The following SGCZ variants were observed in gnomAD, a reference collection of about 807,000 sequenced individuals.
SGCZ encodes sarcoglycan zeta, also known as zeta-sarcoglycan.
In SGCZ, 40 loss-of-function variants were observed where a neutral mutation model predicts 41.3. That is an observed-to-expected ratio of 0.97 (90% confidence interval 0.75 to 1.26). The LOEUF is 1.26. Ranked by LOEUF, SGCZ falls within the 50% of genes most tolerant of loss-of-function variation. The probability of loss-of-function intolerance (pLI) is 0.00; values close to 1 mark genes in which losing one functional copy is unlikely to be tolerated. For missense variants in SGCZ, 552 were observed against 369.8 expected (o/e 1.49, Z -4.04); for synonymous variants, 206 against 137.5 (o/e 1.50, Z -3.49).
At chr8:14,615,670 G>T (rs905653551) in intron 1 of SGCZ, among the ~76,000 whole-genome samples, 1 of 152,164 alleles carries the variant, frequency 6.6e-6, no homozygotes, top group African/African-American at 2.4e-5. Context: ...AGACAAAATT[G>T]TAAGTATTAA....
rs78934030 is a variant in SGCZ at position 14,726,755 on chromosome 8, T to C, written c.40-171829A>G. ...ACAAACCTGCAACAATATGATGTTT[T>C]GCATAAGGTAAGTTAATTCAGATAT... On this transcript the variant is annotated intron_variant, in intron 1 of 7. Transcript: ENST00000382080. 4.7e-3 allele frequency among the ~76,000 whole-genome samples: 711 copies of C among 152,246 alleles called. 16 individuals carry two copies. The East Asian group carries it at 0.072, about 15-fold the overall frequency.
chr8:14,636,072 T>A (rs1806818646), intron 1 of SGCZ, among the ~76,000 whole-genome samples: 1 of 149,536 alleles, frequency 6.7e-6, no homozygotes, highest in African/African-American at 2.5e-5. Flanking sequence ...AAAGGGGCAA[T>A]TGAAATGGCA....
chr8:14,147,030 T>A (rs919733823), intron 5 of SGCZ, among the ~76,000 whole-genome samples: 17 of 151,592 alleles, frequency 1.1e-4, no homozygotes, highest in African/African-American at 3.4e-4. Context: ...TTCGTATCAG[T>A]GTTAAGTTCT....
intron 3 of SGCZ, among the ~76,000 whole-genome samples, chr8:14,260,769 A>G (rs1470189487): frequency 2.0e-5 from 3 of 152,210 alleles, no homozygotes; most frequent in East Asian, 1.9e-4. Flanking sequence ...ATGCAGTCAT[A>G]AACAATGATG....
intron 1 of SGCZ, among the ~76,000 whole-genome samples, chr8:15,156,506 C>T (rs1486405510): frequency 6.6e-6 from 1 of 152,170 alleles, no homozygotes; most frequent in Non-Finnish European, 1.5e-5. Context: ...GAGTTCTTGA[C>T]TGTCATGATT....
At chr8:14,903,496 A>G (rs1799033333) in intron 1 of SGCZ, among the ~76,000 whole-genome samples, 1 of 152,132 alleles carries the variant, frequency 6.6e-6, no homozygotes, top group African/African-American at 2.4e-5. Context: ...TTACTGTTAA[A>G]GTGTTCTCTA....
At position 15,080,068 on chromosome 8, in the gene SGCZ, T is replaced by G. The variant is rs896195909; in HGVS notation, c.39+157517A>C. On this transcript the variant is annotated intron_variant, in intron 1 of 7. Coordinates refer to ENST00000382080, the MANE Select transcript of SGCZ (RefSeq NM_139167.4). The stretch of plus-strand genomic sequence containing the variant: ...TTTTTTATCTTCTGTTTTTCTTGTT[T>G]GTATTTTCTTTCAGCATCTCTGTAA... 2.5e-4 allele frequency among the ~76,000 whole-genome samples: 38 copies of G among 152,188 alleles called. 1 individual carries two copies. The highest frequency in any genetic ancestry group is 8.4e-4 in the African/African-American group (35 of 41,450).
intron 5 of SGCZ, among the ~76,000 whole-genome samples, chr8:14,153,902 GTCTCTC>G (rs140286697): frequency 0.016 from 2,365 of 146,740 alleles, 20 homozygotes; most frequent in Non-Finnish European, 0.023. Flanking sequence ...CAGTCTGTCT[GTCTCTC>G]TCTCTCTCTC....
chr8:14,568,092 G>A (rs1028367213), intron 1 of SGCZ, among the ~76,000 whole-genome samples: 1 of 152,126 alleles, frequency 6.6e-6, no homozygotes, highest in African/African-American at 2.4e-5. Context: ...CAGGCACATG[G>A]ATGAAGCTGG....
At chr8:14,300,403 T>A (rs1262623994) in intron 3 of SGCZ, among the ~76,000 whole-genome samples, 1 of 150,916 alleles carries the variant, frequency 6.6e-6, no homozygotes, top group Non-Finnish European at 1.5e-5. Context: ...AGGGAAGAAT[T>A]TAGGTAGGTA....
At chr8:14,635,314 A>G (rs1806792965) in intron 1 of SGCZ, among the ~76,000 whole-genome samples, 1 of 152,092 alleles carries the variant, frequency 6.6e-6, no homozygotes, top group South Asian at 2.1e-4. Context: ...GCCATGAGAA[A>G]TATATCCAAC....
chr8:14,832,181 T>C (rs1802556171), intron 1 of SGCZ, among the ~76,000 whole-genome samples: 1 of 152,176 alleles, frequency 6.6e-6, no homozygotes, highest in Non-Finnish European at 1.5e-5. Context: ...TGACATTAAT[T>C]CTTTTATTTA....
chr8:14,875,378 C>T (rs1804313708), intron 1 of SGCZ, among the ~76,000 whole-genome samples: 1 of 152,130 alleles, frequency 6.6e-6, no homozygotes, highest in Non-Finnish European at 1.5e-5. Context: ...GTATTAAGGA[C>T]TAGGTCTCAA....
chr8:14,142,143 AACATCAC>A, intron 5 of SGCZ, among the ~76,000 whole-genome samples: 1 of 152,122 alleles, frequency 6.6e-6, no homozygotes, highest in East Asian at 1.9e-4. Flanking sequence ...CAGGGTGGGG[AACATCAC>A]ACACCAGGGC....
chr8:15,164,096 A>G (rs1486313103), intron 1 of SGCZ, among the ~76,000 whole-genome samples: 1 of 152,178 alleles, frequency 6.6e-6, no homozygotes, highest in Non-Finnish European at 1.5e-5. Context: ...ATAAAACCCT[A>G]TCTCACTCAC....
chr8:15,199,240 T>C (rs1309221059), intron 1 of SGCZ, among the ~76,000 whole-genome samples: 2 of 152,226 alleles, frequency 1.3e-5, no homozygotes, highest in African/African-American at 2.4e-5. Flanking sequence ...ATGACTGCCA[T>C]GTGTAACTGC....
intron 5 of SGCZ, among the ~76,000 whole-genome samples, chr8:14,114,783 T>C (rs113747414): frequency 2.6e-5 from 4 of 152,148 alleles, no homozygotes; most frequent in African/African-American, 9.6e-5. Flanking sequence ...GACTTCCATA[T>C]GGCTCTCATT....
chr8:15,127,572 AAAC>A (rs1204896943), intron 1 of SGCZ, among the ~76,000 whole-genome samples: 1 of 152,178 alleles, frequency 6.6e-6, no homozygotes, highest in African/African-American at 2.4e-5. Context: ...TGAATTAACA[AAAC>A]AAAACAAGAT....
At chr8:14,858,027 G>C (rs1050342875) in intron 1 of SGCZ, among the ~76,000 whole-genome samples, 2 of 152,006 alleles carry the variant, frequency 1.3e-5, no homozygotes, top group African/African-American at 4.8e-5. Flanking sequence ...GAACATTATG[G>C]TCTGTAATGT....
Sources: allele counts gnomAD v4.1 joint callset (sites outside exome capture counted in the v4.1 genomes callset), GRCh38; gene constraint gnomAD v4.1.1; transcripts MANE v1.5; gene names NCBI Gene and HGNC (gene_info 2026-07-23, HGNC 2026-07-21).